Variants in ABCB5 observed in about 807,000 individuals in gnomAD.
The protein encoded by ABCB5 is ATP-binding cassette sub-family B member 5.
ABCB5 carries 155 observed loss-of-function variants against 144.2 expected under a neutral mutation model. The observed-to-expected ratio is 1.08, with a 90% CI of 0.94 to 1.23. ABCB5 has a LOEUF of 1.23. Among genes scored for constraint, ABCB5 ranks in the 50% most tolerant of loss-of-function variants. The probability of loss-of-function intolerance (pLI) is 0.00; values close to 1 mark genes in which losing one functional copy is unlikely to be tolerated. For missense variants in ABCB5, 1,830 were observed against 1,520.8 expected, an observed-to-expected ratio of 1.20 and a Z score of -3.38; for synonymous variants, 610 against 528.6, an observed-to-expected ratio of 1.15 and a Z score of -2.11.
chr7:20,706,160 G>A (rs1786815789), intron 20 of ABCB5, among the ~76,000 whole-genome samples: 1 of 152,064 alleles, frequency 6.6e-6, no homozygotes, highest in Admixed American at 6.6e-5. Context: ...AACCTCCGTA[G>A]CACAATATAA....
intron 20 of ABCB5, among the ~76,000 whole-genome samples, chr7:20,716,188 G>A (rs1470086403): frequency 6.6e-6 from 1 of 151,992 alleles, no homozygotes; most frequent in African/African-American, 2.4e-5. Context: ...GCCAAGAATT[G>A]AAATCCAAAA....
At position 20,748,402 on chromosome 7, in the gene ABCB5, C is replaced by A. The variant is rs572792538; in HGVS notation, c.3429+2964C>A. Among the ~76,000 whole-genome samples, 7 of 148,758 alleles carry A rather than the reference C, an allele frequency of 4.7e-5. No individual in the cohort carries two copies. In the South Asian group the frequency reaches 1.5e-3, roughly 32 times the overall value. ...TAGTGGCTCACACCTGTAATCCTAGCACTTTGGGAGGCCAAGGAGGGTGGA... is the reference window on the plus strand; with the variant it reads ...TAGTGGCTCACACCTGTAATCCTAGAACTTTGGGAGGCCAAGGAGGGTGGA... On this transcript the variant is annotated intron_variant, in intron 26 of 27. Transcript: ENST00000404938.
intron 7 of ABCB5, among the ~76,000 whole-genome samples, chr7:20,643,859 C>G (rs1229407553): frequency 6.6e-6 from 1 of 152,160 alleles, no homozygotes; most frequent in Non-Finnish European, 1.5e-5. Flanking sequence ...ACATTGAAAA[C>G]ATTTCTCTTC....
intron 20 of ABCB5, among the ~76,000 whole-genome samples, chr7:20,722,084 A>T (rs1225607487): frequency 3.9e-5 from 6 of 152,362 alleles, no homozygotes; most frequent in Admixed American, 2.0e-4. Context: ...ATAGTAAAAA[A>T]TGCTTAACTA....
At chr7:20,677,315 T>C (rs937460595) in intron 14 of ABCB5, among the ~76,000 whole-genome samples, 5 of 152,222 alleles carry the variant, frequency 3.3e-5, no homozygotes, top group Non-Finnish European at 7.3e-5. Context: ...TACCTACTTT[T>C]TGTGACAGGA....
chr7:20,678,192 C>T (rs964929984), intron 14 of ABCB5, among the ~76,000 whole-genome samples: 1 of 152,148 alleles, frequency 6.6e-6, no homozygotes, highest in African/African-American at 2.4e-5. Context: ...TAATAGGATA[C>T]ATATTTTTCC....
At chr7:20,672,533 C>G (rs1785481434) in intron 14 of ABCB5, among the ~76,000 whole-genome samples, 1 of 152,014 alleles carries the variant, frequency 6.6e-6, no homozygotes, top group Non-Finnish European at 1.5e-5. Context: ...ACAAACCTTC[C>G]AGTTCTGAAC....
intron 20 of ABCB5, among the ~76,000 whole-genome samples, chr7:20,721,821 G>A (rs1006212602): frequency 6.6e-6 from 1 of 152,124 alleles, no homozygotes; most frequent in African/African-American, 2.4e-5. Flanking sequence ...AGGTGATTTA[G>A]ATTCTATTGT....
intron 13 of ABCB5, among the ~76,000 whole-genome samples, chr7:20,654,875 A>C (rs1274656392): frequency 6.6e-6 from 1 of 152,132 alleles, no homozygotes; most frequent in Non-Finnish European, 1.5e-5. Flanking sequence ...CGGAAAAGAA[A>C]AAAGATCTAC....
chr7:20,714,479 G>A (rs7781446), intron 20 of ABCB5, among the ~76,000 whole-genome samples: 110,609 of 151,982 alleles, frequency 0.73, 41,282 homozygotes, highest in East Asian at 0.95. Context: ...ACCACATTCC[G>A]TTTTCCTTCA....
rs770330157 is a variant in ABCB5 at position 20,646,135 on chromosome 7, T to A, written c.978T>A (p.Leu326=). ...GEPGYTIGTV[L]AVFFSVIHSS... is the part of the protein sequence containing the mutation. ...CTGGATATACCATCGGGACTGTTCT[T>A]GCTGTAAGTCTTGTTTGAGAACAAG... The change falls in exon 9 of 28, where the codon CTT becomes CTA. Residue 326 remains leucine (L), a synonymous_variant. Transcript: ENST00000404938. 3.3e-5 allele frequency: 53 copies of A among 1,610,538 alleles called. No individual in the cohort carries two copies. Among genetic ancestry groups the A allele is most frequent in the Non-Finnish European group, 4.2e-5 (49 of 1,178,976 alleles).
At chr7:20,701,104 T>A (rs946461099) in intron 19 of ABCB5, among the ~76,000 whole-genome samples, 1 of 152,144 alleles carries the variant, frequency 6.6e-6, no homozygotes, top group African/African-American at 2.4e-5. Context: ...TGCAAAAAGG[T>A]CCCATTTCTG....
At chr7:20,700,018 A>C (rs946826310) in intron 18 of ABCB5, 40 bp from the exon 19 acceptor site, 1 of 1,604,836 alleles carries the variant, frequency 6.2e-7, no homozygotes, top group African/African-American at 1.3e-5. Context: ...TAAATGTTAC[A>C]AAGGAAAAGA....
intron 20 of ABCB5, among the ~76,000 whole-genome samples, chr7:20,720,716 C>T (rs530094009): frequency 5.9e-5 from 9 of 152,090 alleles, no homozygotes; most frequent in Admixed American, 2.6e-4. Context: ...GAGGCCGAGA[C>T]GGGCGGATCA....
intron 23 of ABCB5, among the ~76,000 whole-genome samples, chr7:20,735,496 A>G (rs1295059961): frequency 2.0e-5 from 3 of 152,214 alleles, no homozygotes; most frequent in Admixed American, 6.5e-5. Flanking sequence ...ACACAAAACA[A>G]AGAAAACAGG....
rs964113555 is a variant in ABCB5, at chr7:20,713,064, T to C, written c.2421+8257T>C. Among the ~76,000 whole-genome samples, 6 of 149,570 alleles carry C rather than the reference T, an allele frequency of 4.0e-5. 1 individual carries two copies. The highest frequency in any genetic ancestry group is 5.9e-5 in the Non-Finnish European group (4 of 67,274). Reference sequence around the variant, plus strand: ...ATCTTCTCAACCCCCTGAATCCCCATCTCCTAGAAACCATGATTTTACTCT... The same window carrying C: ...ATCTTCTCAACCCCCTGAATCCCCACCTCCTAGAAACCATGATTTTACTCT... On this transcript the variant is annotated intron_variant, in intron 20 of 27. Coordinates refer to ENST00000404938, the MANE Select transcript of ABCB5 (RefSeq NM_001163941.2).
In ABCB5 at chr7:20,620,915, G is replaced by A. The variant is rs916129841; in HGVS notation, c.-21-2350G>A. 5.3e-5 allele frequency among the ~76,000 whole-genome samples: 8 copies of A among 152,120 alleles called. No homozygotes were observed. The East Asian group carries it at 9.6e-4, about 18-fold the overall frequency. On this transcript the variant is annotated intron_variant, in intron 1 of 27. Transcript: ENST00000404938. ...AGTATATACCCAAAAGAACTGAAAC[G>A]AGGATACTCAAACAAATACTTCTAT...
At chr7:20,722,050 T>C (rs181671575) in intron 20 of ABCB5, among the ~76,000 whole-genome samples, 3 of 152,356 alleles carry the variant, frequency 2.0e-5, no homozygotes. Context: ...CTAGCAAATG[T>C]GATTACAACT....
chr7:20,681,144 T>C (rs1785815888), intron 14 of ABCB5, among the ~76,000 whole-genome samples: 1 of 149,154 alleles, frequency 6.7e-6, no homozygotes, highest in African/African-American at 2.5e-5. Flanking sequence ...CTGTCTTCTT[T>C]TTTGAGACGG....
Sources: gnomAD v4.1 joint callset for allele counts (sites outside exome capture counted in the v4.1 genomes callset) on GRCh38, gnomAD v4.1.1 for gene constraint, MANE v1.5 for transcripts, NCBI Gene and HGNC (gene_info 2026-07-23, HGNC 2026-07-21) for gene names.